Variants in F13A1 observed in about 807,000 individuals in gnomAD.
The protein encoded by F13A1 is FSF, A subunit.
F13A1 carries 47 observed loss-of-function variants against 80.1 expected under a neutral mutation model. The ratio of observed to expected loss-of-function variants is 0.59; its 90% CI spans 0.46 to 0.75. The LOEUF (loss-of-function observed/expected upper bound fraction) is 0.75. Ranked by LOEUF, F13A1 falls within the 30% of genes least tolerant of loss-of-function variation. F13A1 has a pLI of 0.00. For missense variants in F13A1, 817 were observed against 930.4 expected (o/e 0.88, Z 1.59); for synonymous variants, 349 against 344.9 (o/e 1.01, Z -0.13).
intron 14 of F13A1, among the ~76,000 whole-genome samples, chr6:6,147,842 G>GA (rs1760312548): frequency 2.6e-5 from 4 of 152,120 alleles, no homozygotes; most frequent in Admixed American, 2.0e-4. Context: ...TCATAACAGA[G>GA]AAAAAAGTAT....
chr6:6,314,709 G>A (rs1758655551), intron 2 of F13A1, among the ~76,000 whole-genome samples: 1 of 152,208 alleles, frequency 6.6e-6, no homozygotes, highest in Non-Finnish European at 1.5e-5. Flanking sequence ...TACACTGAGA[G>A]TTTCTTGAGG....
chr6:6,252,254 C>T (rs1031962786), intron 4 of F13A1, among the ~76,000 whole-genome samples: 24 of 152,170 alleles, frequency 1.6e-4, no homozygotes, highest in African/African-American at 5.3e-4. Flanking sequence ...ATCTACAGAC[C>T]TTAATCCAAA....
intron 3 of F13A1, among the ~76,000 whole-genome samples, chr6:6,281,942 C>T (rs572293183): frequency 3.2e-4 from 44 of 138,918 alleles, no homozygotes; most frequent in African/African-American, 1.0e-3. Context: ...TTCAGTGAGC[C>T]GAGATCATGC....
At chr6:6,273,740 T>C (rs949509597) in intron 3 of F13A1, among the ~76,000 whole-genome samples, 9 of 152,222 alleles carry the variant, frequency 5.9e-5, no homozygotes. Flanking sequence ...ATGATGTATG[T>C]GGCAGCGCTG....
chr6:6,212,749 C>G (rs977238243), intron 8 of F13A1, among the ~76,000 whole-genome samples: 3 of 152,088 alleles, frequency 2.0e-5, no homozygotes, highest in Non-Finnish European at 4.4e-5. Context: ...GGAGGACATT[C>G]AAACCAAAGG....
At position 6,174,803 on chromosome 6, in the gene F13A1, G is replaced by A; in HGVS notation, c.1524C>T (p.Asn508=). The A allele has an allele frequency of 1.2e-6, 2 of 1,614,188 alleles. No individual in the cohort carries two copies. Among genetic ancestry groups the A allele is most frequent in the Non-Finnish European group, 1.7e-6 (2 of 1,180,040 alleles). Residue 508 remains asparagine (N), a synonymous_variant, in exon 12 of 15, where the codon AAC becomes AAT. Transcript: ENST00000264870. Reference sequence around the variant, plus strand: ...ACCTTGATTTCATGACACCTTCTGTGTTGAGGGGCTTTTTAGCTCCGTACA... The same window carrying A: ...ACCTTGATTTCATGACACCTTCTGTATTGAGGGGCTTTTTAGCTCCGTACA... The part of the protein sequence containing the change: ...ALMYGAKKPL[N]TEGVMKSRSN...
chr6:6,195,471 C>CA (rs1353147251), intron 10 of F13A1, among the ~76,000 whole-genome samples: 6 of 152,166 alleles, frequency 3.9e-5, no homozygotes, highest in Admixed American at 3.9e-4. Flanking sequence ...CCATCTCTTC[C>CA]AATGAGGTTA....
chr6:6,203,461 G>C (rs1295047067), intron 8 of F13A1, among the ~76,000 whole-genome samples: 1 of 152,242 alleles, frequency 6.6e-6, no homozygotes, highest in Non-Finnish European at 1.5e-5. Flanking sequence ...AGAGATCAGA[G>C]ACAGAGCAAG....
intron 1 of F13A1, among the ~76,000 whole-genome samples, chr6:6,319,681 G>A (rs1406092098): frequency 2.6e-5 from 4 of 152,162 alleles, no homozygotes; most frequent in African/African-American, 9.7e-5. Context: ...CCCAAGAGGT[G>A]AAGAGTCCCC....
rs1230875870 is a variant in F13A1 at position 6,252,988 on chromosome 6, A to G, written c.572-2059T>C. On this transcript the variant is annotated intron_variant, in intron 4 of 14. Transcript: ENST00000264870. Reference sequence around the variant, plus strand: ...AGCCTGGCCAATACAGTGAAACCCCATCTCTACTAAAAATAAAAATATAAG... The same window carrying G: ...AGCCTGGCCAATACAGTGAAACCCCGTCTCTACTAAAAATAAAAATATAAG... Among the ~76,000 whole-genome samples the G allele has an allele frequency of 2.0e-5, 3 of 151,886 alleles. No homozygotes were observed. In the East Asian group the frequency reaches 5.8e-4, roughly 29 times the overall value.
intron 4 of F13A1, among the ~76,000 whole-genome samples, chr6:6,251,564 G>A (rs760889661): frequency 2.6e-5 from 4 of 152,172 alleles, no homozygotes; most frequent in South Asian, 2.1e-4. Flanking sequence ...CATCCTCCCC[G>A]TCTATCATCA....
intron 4 of F13A1, among the ~76,000 whole-genome samples, chr6:6,251,913 AG>A (rs1757638161): frequency 6.6e-6 from 1 of 152,202 alleles, no homozygotes; most frequent in Admixed American, 6.5e-5. Flanking sequence ...ATCTTCTGCC[AG>A]GATGAATGTC....
chr6:6,256,804 T>C (rs923526214), intron 4 of F13A1, among the ~76,000 whole-genome samples: 2 of 151,966 alleles, frequency 1.3e-5, no homozygotes, highest in African/African-American at 4.9e-5. Context: ...CATGGGCTGA[T>C]ACATTCCTTC....
intron 3 of F13A1, among the ~76,000 whole-genome samples, chr6:6,296,249 G>T (rs1190925227): frequency 5.9e-5 from 9 of 151,926 alleles, no homozygotes; most frequent in African/African-American, 1.9e-4. Flanking sequence ...GGTTCCATGT[G>T]AACTTTAAAG....
intron 8 of F13A1, among the ~76,000 whole-genome samples, chr6:6,203,288 A>G (rs1226710536): frequency 6.6e-6 from 1 of 152,180 alleles, no homozygotes; most frequent in Non-Finnish European, 1.5e-5. Flanking sequence ...GGTGAAATCT[A>G]TAAACAGAAC....
chr6:6,234,597 T>C (rs1757392127), intron 6 of F13A1, among the ~76,000 whole-genome samples: 1 of 151,870 alleles, frequency 6.6e-6, no homozygotes, highest in Non-Finnish European at 1.5e-5. Context: ...AGAAAAAAGA[T>C]AGGAGAAAGA....
At chr6:6,168,855 G>A (rs1760723108) in intron 12 of F13A1, among the ~76,000 whole-genome samples, 1 of 152,196 alleles carries the variant, frequency 6.6e-6, no homozygotes, top group African/African-American at 2.4e-5. Flanking sequence ...GGTGCATTGA[G>A]CCATGCCCAT....
chr6:6,279,193 CA>C (rs780062323), intron 3 of F13A1, among the ~76,000 whole-genome samples: 11 of 152,166 alleles, frequency 7.2e-5, no homozygotes, highest in Non-Finnish European at 1.3e-4. Context: ...ACCAGAAGCA[CA>C]AAGTTCATCT....
intron 12 of F13A1, among the ~76,000 whole-genome samples, chr6:6,172,961 T>A (rs1760802334): frequency 1.3e-5 from 2 of 152,210 alleles, no homozygotes; most frequent in South Asian, 4.1e-4. Context: ...GGCTTGACCA[T>A]CCCAGGGGAG....
Sources: allele counts gnomAD v4.1 joint callset (sites outside exome capture counted in the v4.1 genomes callset), GRCh38; gene constraint gnomAD v4.1.1; transcripts MANE v1.5; gene names NCBI Gene and HGNC (gene_info 2026-07-23, HGNC 2026-07-21).